Variants in GLIS3 observed in about 807,000 individuals in gnomAD.
GLIS3 encodes the protein GLIS family zinc finger 3.
Under a neutral mutation model 78.6 loss-of-function variants are expected in GLIS3, and 53 were observed. That is an observed-to-expected ratio of 0.67 (90% CI 0.54 to 0.85). The LOEUF (loss-of-function observed/expected upper bound fraction) is 0.85. GLIS3 is among the 40% of genes least tolerant of loss of function. The pLI, the probability that GLIS3 is intolerant of heterozygous loss-of-function variation, is 0.00. For synonymous variants in GLIS3, 684 were observed against 509.9 expected, an observed-to-expected ratio of 1.34 and a Z score of -4.60; for missense variants, 1,703 against 1,231.1, an observed-to-expected ratio of 1.38 and a Z score of -5.74.
intron 5 of GLIS3, among the ~76,000 whole-genome samples, chr9:3,934,019 C>G (rs1825759777): frequency 6.6e-6 from 1 of 152,200 alleles, no homozygotes. Flanking sequence ...GTGCTGGGCA[C>G]TGTGTTTCAG....
chr9:4,314,025 C>T (rs1220463174), intron 2 of GLIS3, among the ~76,000 whole-genome samples: 1 of 152,136 alleles, frequency 6.6e-6, no homozygotes, highest in Non-Finnish European at 1.5e-5. Context: ...ATGTAGTTAG[C>T]CATATTGCCT....
intron 2 of GLIS3, among the ~76,000 whole-genome samples, chr9:4,181,893 C>A (rs1028032547): frequency 1.3e-5 from 2 of 152,150 alleles, no homozygotes; most frequent in Admixed American, 1.3e-4. Context: ...CCTATGCCAT[C>A]CAGCCCCAAC....
intron 4 of GLIS3, among the ~76,000 whole-genome samples, chr9:4,307,851 A>T (rs1295237334): frequency 2.6e-5 from 4 of 152,206 alleles, no homozygotes; most frequent in African/African-American, 7.2e-5. Flanking sequence ...AAAGGCACAC[A>T]GCCCTGCCAC....
At chr9:4,209,129 A>C (rs973175026) in intron 2 of GLIS3, among the ~76,000 whole-genome samples, 2 of 152,196 alleles carry the variant, frequency 1.3e-5, no homozygotes, top group African/African-American at 4.8e-5. Flanking sequence ...TTCCTGCATC[A>C]AAATGGACGC....
intron 4 of GLIS3, among the ~76,000 whole-genome samples, chr9:4,041,074 A>G (rs1435092569): frequency 6.6e-6 from 1 of 152,238 alleles, no homozygotes; most frequent in Non-Finnish European, 1.5e-5. Flanking sequence ...GAAGGTGTTC[A>G]TTACACAGGA....
At chr9:4,345,994 C>G (rs1817893072) in intron 2 of GLIS3, among the ~76,000 whole-genome samples, 1 of 152,014 alleles carries the variant, frequency 6.6e-6, no homozygotes, top group African/African-American at 2.4e-5. Context: ...GTGGGAGATT[C>G]TAATACACTT....
At chr9:3,960,754 G>C (rs1242150031) in intron 4 of GLIS3, among the ~76,000 whole-genome samples, 1 of 152,206 alleles carries the variant, frequency 6.6e-6, no homozygotes, top group Non-Finnish European at 1.5e-5. Context: ...GAATTCACCA[G>C]TAGTGAGGTC....
chr9:4,204,478 C>G lies in GLIS3; in HGVS notation c.389-78537G>C, dbSNP rs187248982. 4.3e-3 allele frequency among the ~76,000 whole-genome samples: 649 copies of G among 152,136 alleles called. 2 individuals are homozygous for G. The highest frequency in any genetic ancestry group is 6.8e-3 in the Middle Eastern group (2 of 294). ...CAAGGGGAGGAAGAAAAGGCTGCAT[C>G]CTAGGGAAACCAATACTTATTAACA... On this transcript the variant is annotated intron_variant, in intron 2 of 10. Transcript: ENST00000381971.
chr9:4,397,024 CTTTTTT>C, the GLIS3 span, among the ~76,000 whole-genome samples: 1 of 121,212 alleles, frequency 8.3e-6, no homozygotes, highest in African/African-American at 3.1e-5. Context: ...TTCTTTTTTT[CTTTTTT>C]TTTTTTTTTT....
chr9:4,428,012 A>C, the GLIS3 span, among the ~76,000 whole-genome samples: 160 of 152,214 alleles, frequency 1.1e-3, no homozygotes, highest in Middle Eastern at 0.01. Flanking sequence ...TATTTTCCAC[A>C]TAACCAAGTT....
chr9:4,324,230 A>C (rs1443199660), intron 2 of GLIS3, among the ~76,000 whole-genome samples: 1 of 152,238 alleles, frequency 6.6e-6, no homozygotes, highest in Non-Finnish European at 1.5e-5. Flanking sequence ...TGGGCTACAT[A>C]AAACTTGGTG....
intron 2 of GLIS3, among the ~76,000 whole-genome samples, chr9:4,159,031 AAG>A (rs573513100): frequency 0.69 from 71,183 of 103,740 alleles, 21,036 homozygotes; most frequent in East Asian, 0.86. Context: ...AAAGGAGAAG[AAG>A]AAAAAAAAAA....
chr9:3,828,775 A>C (rs1400841393), intron 10 of GLIS3, among the ~76,000 whole-genome samples: 1 of 152,198 alleles, frequency 6.6e-6, no homozygotes, highest in Non-Finnish European at 1.5e-5. Context: ...GGAAACAAAG[A>C]GCAAAGACAG....
chr9:4,368,837 ACTGGTGTC>A, the GLIS3 span, among the ~76,000 whole-genome samples: 2 of 152,200 alleles, frequency 1.3e-5, no homozygotes, highest in African/African-American at 4.8e-5. Context: ...TCAAAGTGGA[ACTGGTGTC>A]TAAGAACTTG....
chr9:4,353,605 G>A, the GLIS3 span, among the ~76,000 whole-genome samples: 1 of 152,220 alleles, frequency 6.6e-6, no homozygotes, highest in South Asian at 2.1e-4. Context: ...GTATCTCTCA[G>A]CGGGTCCAAA....
chr9:4,111,431 G>C (rs901217357), intron 4 of GLIS3, among the ~76,000 whole-genome samples: 1 of 152,194 alleles, frequency 6.6e-6, no homozygotes. Context: ...TAAGGACAAA[G>C]TTCATGAAAG....
the GLIS3 span, among the ~76,000 whole-genome samples, chr9:4,389,371 G>C: frequency 6.6e-6 from 1 of 152,130 alleles, no homozygotes; most frequent in East Asian, 1.9e-4. Context: ...ACAATGTAGG[G>C]CGTGACATGA....
chr9:4,399,655 T>A, the GLIS3 span, among the ~76,000 whole-genome samples: 2 of 152,084 alleles, frequency 1.3e-5, no homozygotes, highest in Non-Finnish European at 2.9e-5. Flanking sequence ...CAAAGAGTTA[T>A]TTTTTTTCCT....
the GLIS3 span, among the ~76,000 whole-genome samples, chr9:4,357,931 C>A: frequency 6.6e-6 from 1 of 152,094 alleles, no homozygotes; most frequent in African/African-American, 2.4e-5. Flanking sequence ...AAATTTCCAC[C>A]ATTAGAGGGT....
Sources: allele counts gnomAD v4.1 joint callset (sites outside exome capture counted in the v4.1 genomes callset), GRCh38; gene constraint gnomAD v4.1.1; transcripts MANE v1.5; gene names NCBI Gene and HGNC (gene_info 2026-07-23, HGNC 2026-07-21).